The following LRFN5 variants were observed in gnomAD, a reference collection of about 807,000 sequenced individuals.
The protein encoded by LRFN5 is leucine rich repeat and fibronectin type III domain containing 5.
In LRFN5, 24 loss-of-function variants were observed where a neutral mutation model predicts 45.6. The ratio of observed to expected loss-of-function variants is 0.53; its 90% confidence interval spans 0.38 to 0.74. LRFN5 has a LOEUF of 0.74. Among genes scored for constraint, LRFN5 ranks in the 30% least tolerant of loss-of-function variants. LRFN5 has a pLI of 0.00. For synonymous variants in LRFN5, 340 were observed against 313.8 expected (o/e 1.08, Z -0.88); for missense variants, 776 against 861.5 (o/e 0.90, Z 1.24).
At chr14:41,785,215 T>G (rs917104649) in intron 2 of LRFN5, among the ~76,000 whole-genome samples, 2 of 152,130 alleles carry the variant, frequency 1.3e-5, no homozygotes, top group African/African-American at 4.8e-5. Context: ...TTCTGCTTGA[T>G]AATTTCTGCC....
chr14:41,650,266 C>CACACACACAA (rs1247683262), intron 1 of LRFN5, among the ~76,000 whole-genome samples: 14 of 135,456 alleles, frequency 1.0e-4, no homozygotes, highest in African/African-American at 3.1e-4. Flanking sequence ...CACACACACA[C>CACACACACAA]AAAAAAAAAA....
rs537449935 is a variant in LRFN5 at position 41,773,569 on chromosome 14, C to G, written c.-21+6540C>G. Among the ~76,000 whole-genome samples, 72 of 152,264 alleles carry G rather than the reference C, an allele frequency of 4.7e-4. No individual in the cohort carries two copies. The East Asian group carries it at 0.013, about 28-fold the overall frequency. On this transcript the variant is annotated intron_variant, in intron 2 of 5. Transcript: ENST00000298119. ...CCTCTCTCTCTCTCTTTGTCTCTCT[C>G]TCTCTCTGTCTCTTTCTCTTTCTCT... is the stretch of plus-strand genomic sequence containing the variant.
chr14:41,662,957 A>G (rs764952460), intron 1 of LRFN5, among the ~76,000 whole-genome samples: 1 of 151,684 alleles, frequency 6.6e-6, no homozygotes, highest in African/African-American at 2.4e-5. Context: ...TTCACATATC[A>G]TATGAAATTG....
chr14:41,703,641 G>A (rs1882928573), intron 1 of LRFN5, among the ~76,000 whole-genome samples: 1 of 151,934 alleles, frequency 6.6e-6, no homozygotes, highest in South Asian at 2.1e-4. Context: ...TCTTTTGGGA[G>A]AATAACTATT....
chr14:41,857,236 G>A (rs564830704), intron 2 of LRFN5, among the ~76,000 whole-genome samples: 1 of 152,118 alleles, frequency 6.6e-6, no homozygotes, highest in African/African-American at 2.4e-5. Context: ...AAATCATTTT[G>A]TGACATATTC....
chr14:41,803,626 G>C (rs1316091027), intron 2 of LRFN5, among the ~76,000 whole-genome samples: 5 of 151,952 alleles, frequency 3.3e-5, no homozygotes, highest in Admixed American at 6.6e-5. Flanking sequence ...GGATTACAGG[G>C]ATGAGCCACC....
intron 1 of LRFN5, among the ~76,000 whole-genome samples, chr14:41,725,329 C>T (rs1883885603): frequency 6.6e-6 from 1 of 152,188 alleles, no homozygotes; most frequent in Non-Finnish European, 1.5e-5. Context: ...TTCTGCTTCA[C>T]ATTTGCTTGC....
intron 2 of LRFN5, among the ~76,000 whole-genome samples, chr14:41,797,703 A>G (rs1887179950): frequency 6.6e-6 from 1 of 151,670 alleles, no homozygotes; most frequent in Non-Finnish European, 1.5e-5. Context: ...ATGTATGCAT[A>G]TATTTATCTA....
chr14:41,637,123 A>C (rs1300775316), intron 1 of LRFN5, among the ~76,000 whole-genome samples: 6 of 152,136 alleles, frequency 3.9e-5, no homozygotes, highest in African/African-American at 1.4e-4. Context: ...TTTCCAGTTC[A>C]TTCTGTAGAT....
At chr14:41,844,449 A>T (rs980188450) in intron 2 of LRFN5, among the ~76,000 whole-genome samples, 1 of 151,646 alleles carries the variant, frequency 6.6e-6, no homozygotes, top group East Asian at 1.9e-4. Flanking sequence ...AAAAAAAAAA[A>T]ATATGTATAT....
At chr14:41,730,948 G>C (rs530128580) in intron 1 of LRFN5, among the ~76,000 whole-genome samples, 110 of 152,092 alleles carry the variant, frequency 7.2e-4, no homozygotes, top group Non-Finnish European at 1.2e-3. Flanking sequence ...TTGGTGGGTA[G>C]TACCCAATGG....
At chr14:41,682,632 A>G (rs1303519964) in intron 1 of LRFN5, among the ~76,000 whole-genome samples, 1 of 152,228 alleles carries the variant, frequency 6.6e-6, no homozygotes, top group Non-Finnish European at 1.5e-5. Flanking sequence ...AGAGGAAGGC[A>G]TAACTGTAAC....
chr14:41,708,046 T>C (rs1883137890), intron 1 of LRFN5, among the ~76,000 whole-genome samples: 1 of 152,008 alleles, frequency 6.6e-6, no homozygotes. Context: ...TATTAACAAA[T>C]TATCAAAACC....
chr14:41,638,714 A>G (rs913452029), intron 1 of LRFN5, among the ~76,000 whole-genome samples: 6 of 152,128 alleles, frequency 3.9e-5, no homozygotes, highest in African/African-American at 7.2e-5. Flanking sequence ...TTTAAAATTA[A>G]TGTAACCTAA....
chr14:41,781,634 GGAAAGAAAGAAAGAGAA>G (rs1886523808), intron 2 of LRFN5, among the ~76,000 whole-genome samples: 1 of 114,938 alleles, frequency 8.7e-6, no homozygotes, highest in African/African-American at 3.5e-5. Context: ...AAGAAAGAAA[GGAAAGAAAGAAAGAGAA>G]AGAAAGAAAG....
intron 2 of LRFN5, among the ~76,000 whole-genome samples, chr14:41,794,670 T>A (rs548488282): frequency 2.0e-5 from 3 of 152,038 alleles, no homozygotes; most frequent in Non-Finnish European, 4.4e-5. Context: ...CTTGAGATGA[T>A]TGTCCTTTGG....
Position 41,887,554 on chromosome 14 carries a change from C to T in LRFN5, c.929C>T (p.Ala310Val). 6.2e-7 allele frequency: 1 copy of T among 1,614,166 alleles called. No individual in the cohort carries two copies. Among genetic ancestry groups the T allele is most frequent in the Non-Finnish European group, 8.5e-7 (1 of 1,180,026 alleles). Residue 310 changes from alanine (A) to valine (V), a missense_variant, in exon 3 of 6, where the codon GCC becomes GTC. Around this residue, in one of 2 missense-constraint regions of LRFN5, gnomAD observed 311 missense variants for 405.1 expected, o/e 0.77. Transcript: ENST00000298119. This position sits in a 1 kb window ranked among gnomAD's most constrained non-coding sequence, Gnocchi z 4.8. Reference protein sequence around the residue: ...EGQRATLRCKARGDPEPAIHW... With the variant: ...EGQRATLRCKVRGDPEPAIHW... ...CAAAGGGCAACACTGAGGTGCAAAG[C>T]CAGGGGAGACCCTGAGCCTGCAATT...
chr14:41,750,295 A>G (rs1885077689), intron 1 of LRFN5, among the ~76,000 whole-genome samples: 1 of 146,830 alleles, frequency 6.8e-6, no homozygotes, highest in Non-Finnish European at 1.5e-5. Flanking sequence ...ATATATATAT[A>G]TAAGATTTTT....
intron 2 of LRFN5, among the ~76,000 whole-genome samples, chr14:41,783,581 T>A (rs184205360): frequency 6.6e-6 from 1 of 152,262 alleles, no homozygotes; most frequent in Admixed American, 6.5e-5. Context: ...TTTTGACTAA[T>A]ACGGCTGTCA....
Sources: allele counts gnomAD v4.1 joint callset (sites outside exome capture counted in the v4.1 genomes callset), GRCh38; gene constraint gnomAD v4.1.1; regional missense constraint gnomAD v4.1.1; non-coding constraint Gnocchi (gnomAD v3.1); transcripts MANE v1.5; gene names NCBI Gene and HGNC (gene_info 2026-07-23, HGNC 2026-07-21).